MDFIC2: variants seen among roughly 807,000 people sequenced by gnomAD.
MDFIC2 encodes myoD family inhibitor domain-containing protein 2.
chr3:70,299,070 C>T (rs1028307625), intron 2 of MDFIC2, among the ~76,000 whole-genome samples: 1 of 151,934 alleles, frequency 6.6e-6, no homozygotes, highest in African/African-American at 2.4e-5. Context: ...TAAGGAGATA[C>T]CAAAACATAT....
chr3:70,268,190 G>T (rs1231624841), intron 2 of MDFIC2, among the ~76,000 whole-genome samples: 4 of 152,098 alleles, frequency 2.6e-5, no homozygotes, highest in African/African-American at 4.8e-5. Flanking sequence ...ACATTCTCCG[G>T]CTGGGCGCGG....
intron 2 of MDFIC2, among the ~76,000 whole-genome samples, chr3:70,226,157 C>T (rs1434560163): frequency 6.6e-6 from 1 of 152,184 alleles, no homozygotes; most frequent in Non-Finnish European, 1.5e-5. Context: ...GGACAGTAAT[C>T]AGCATTTCCT....
chr3:70,248,573 A>G (rs1701730566), intron 2 of MDFIC2, among the ~76,000 whole-genome samples: 2 of 152,068 alleles, frequency 1.3e-5, no homozygotes, highest in Non-Finnish European at 2.9e-5. Context: ...ATTTAGAAAG[A>G]GAATGTTGGC....
At chr3:70,202,620 T>C (rs554599587) in intron 3 of MDFIC2, among the ~76,000 whole-genome samples, 1 of 152,220 alleles carries the variant, frequency 6.6e-6, no homozygotes, top group South Asian at 2.1e-4. Flanking sequence ...TAAAGAAGGT[T>C]TAAGATGGAT....
Position 70,242,392 on chromosome 3 carries a change from TTC to T in MDFIC2, c.89-35604_89-35603del, listed in dbSNP as rs546448761. On this transcript the variant is annotated intron_variant, in intron 2 of 3. Coordinates refer to ENST00000567252, the MANE Select transcript of MDFIC2 (RefSeq NM_001364677.1). ...AACTTTTTTCCCATTTGTGGAAAATTTCTTTTTGTAGAATTAGATAATTATAA... is the reference window on the plus strand; with the variant it reads ...AACTTTTTTCCCATTTGTGGAAAATTTTTTTGTAGAATTAGATAATTATAA... 3.7e-3 allele frequency among the ~76,000 whole-genome samples: 566 copies of T among 152,272 alleles called. 3 individuals are homozygous for T. Among genetic ancestry groups the T allele is most frequent in the Non-Finnish European group, 5.7e-3 (387 of 68,026 alleles).
chr3:70,279,663 C>A (rs1431152685), intron 2 of MDFIC2, among the ~76,000 whole-genome samples: 2 of 152,172 alleles, frequency 1.3e-5, no homozygotes, highest in East Asian at 1.9e-4. Flanking sequence ...CATTAAGCAG[C>A]TCCTCCATTT....
intron 2 of MDFIC2, among the ~76,000 whole-genome samples, chr3:70,299,634 A>G (rs574903266): frequency 6.6e-6 from 1 of 152,232 alleles, no homozygotes; most frequent in South Asian, 2.1e-4. Flanking sequence ...GAAAACCAAT[A>G]TCTCAAATTC....
At chr3:70,272,813 G>A (rs1348648203) in intron 2 of MDFIC2, among the ~76,000 whole-genome samples, 1 of 152,058 alleles carries the variant, frequency 6.6e-6, no homozygotes, top group African/African-American at 2.4e-5. Context: ...CTTGTTTCAC[G>A]AAGTTAGAAT....
intron 2 of MDFIC2, among the ~76,000 whole-genome samples, chr3:70,232,332 A>C (rs772134282): frequency 6.6e-6 from 1 of 152,104 alleles, no homozygotes; most frequent in African/African-American, 2.4e-5. Flanking sequence ...CCTCATGATC[A>C]GTGCACATGT....
intron 2 of MDFIC2, among the ~76,000 whole-genome samples, chr3:70,294,137 G>T (rs112177155): frequency 1.3e-5 from 2 of 152,092 alleles, no homozygotes; most frequent in African/African-American, 4.8e-5. Context: ...AATGTCAGTT[G>T]TTCAAAATAA....
At chr3:70,294,342 A>G (rs547120592) in intron 2 of MDFIC2, among the ~76,000 whole-genome samples, 2 of 152,186 alleles carry the variant, frequency 1.3e-5, no homozygotes, top group Non-Finnish European at 2.9e-5. Context: ...AAGTAATGAT[A>G]CTTAGATTCA....
chr3:70,310,975 A>G (rs897543626), intron 2 of MDFIC2, among the ~76,000 whole-genome samples: 12 of 152,166 alleles, frequency 7.9e-5, no homozygotes, highest in Non-Finnish European at 1.5e-4. Flanking sequence ...TAAATTAAGG[A>G]TAATAACTGC....
chr3:70,269,829 A>G (rs1206011933), intron 2 of MDFIC2, among the ~76,000 whole-genome samples: 1 of 152,206 alleles, frequency 6.6e-6, no homozygotes, highest in Non-Finnish European at 1.5e-5. Context: ...TCATTTCGAA[A>G]ACAAAGGCCA....
intron 2 of MDFIC2, among the ~76,000 whole-genome samples, chr3:70,267,835 A>G (rs1273738594): frequency 1.3e-5 from 2 of 152,172 alleles, no homozygotes; most frequent in African/African-American, 4.8e-5. Context: ...ATGGAAATTT[A>G]ATATGATTAC....
chr3:70,283,125 A>T (rs1328276374), intron 2 of MDFIC2, among the ~76,000 whole-genome samples: 9 of 152,146 alleles, frequency 5.9e-5, no homozygotes, highest in Non-Finnish European at 1.3e-4. Flanking sequence ...AAGAAAATGC[A>T]TTTATCTTGA....
intron 2 of MDFIC2, among the ~76,000 whole-genome samples, chr3:70,232,411 T>C (rs1352789340): frequency 2.6e-5 from 4 of 151,984 alleles, no homozygotes; most frequent in African/African-American, 9.7e-5. Context: ...CCTATTTTTT[T>C]TTTTTTCTTG....
chr3:70,281,683 C>A (rs1702085068), intron 2 of MDFIC2, among the ~76,000 whole-genome samples: 1 of 152,174 alleles, frequency 6.6e-6, no homozygotes, highest in Admixed American at 6.5e-5. Context: ...GAGGAATCCT[C>A]ACCATCATTG....
At chr3:70,307,439 A>G (rs1379209933) in intron 2 of MDFIC2, among the ~76,000 whole-genome samples, 3 of 152,088 alleles carry the variant, frequency 2.0e-5, no homozygotes, top group African/African-American at 4.8e-5. Flanking sequence ...AGGCACTGAA[A>G]TGCTTACCCA....
At position 70,196,652 on chromosome 3, in the gene MDFIC2, T is replaced by C. The variant is rs1476474918; in HGVS notation, c.*274A>G. Among the ~76,000 whole-genome samples, 1 of 152,172 alleles carries C rather than the reference T, an allele frequency of 6.6e-6. No homozygotes were observed. Among genetic ancestry groups the C allele is most frequent in the Non-Finnish European group, 1.5e-5 (1 of 68,034 alleles). On this transcript the variant is annotated 3_prime_UTR_variant, in exon 4 of 4. Transcript: ENST00000567252. ...CATGCTATTTTATAGTCAAGAAACATCTTGTACCTACAGCATTTAAGAGGT... is the reference window on the plus strand; with the variant it reads ...CATGCTATTTTATAGTCAAGAAACACCTTGTACCTACAGCATTTAAGAGGT...
Sources: gnomAD v4.1 joint callset for allele counts (sites outside exome capture counted in the v4.1 genomes callset) on GRCh38, gnomAD v4.1.1 for gene constraint, MANE v1.5 for transcripts, NCBI Gene and HGNC (gene_info 2026-07-23, HGNC 2026-07-21) for gene names.